The following CADM2 variants were observed in gnomAD, a reference collection of about 807,000 sequenced individuals.
CADM2 encodes cell adhesion molecule 2, also known as immunoglobulin superfamily member 4D.
Under a neutral mutation model 49.8 loss-of-function variants are expected in CADM2, and 12 were observed. The ratio of observed to expected loss-of-function variants is 0.24; its 90% CI spans 0.15 to 0.39. CADM2 has a LOEUF of 0.39. CADM2 is among the 10% of genes least tolerant of loss of function. CADM2 has a pLI of 1.00. For missense variants in CADM2, 378 were observed against 492.3 expected, an observed-to-expected ratio of 0.77 and a Z score of 2.20; for synonymous variants, 214 against 175.4, an observed-to-expected ratio of 1.22 and a Z score of -1.74.
chr3:85,010,332 A>C (rs2033929306), intron 1 of CADM2, among the ~76,000 whole-genome samples: 1 of 152,202 alleles, frequency 6.6e-6, no homozygotes, highest in South Asian at 2.1e-4. Context: ...TGAAACCTAA[A>C]AGGATATTTG....
intron 3 of CADM2, among the ~76,000 whole-genome samples, chr3:85,820,772 G>T (rs1288841564): frequency 2.0e-5 from 3 of 152,096 alleles, no homozygotes; most frequent in Non-Finnish European, 4.4e-5. Context: ...GAGTAGATAT[G>T]TATTATCAGG....
intron 2 of CADM2, among the ~76,000 whole-genome samples, chr3:85,791,262 A>G (rs1393989763): frequency 6.6e-6 from 1 of 152,206 alleles, no homozygotes; most frequent in Non-Finnish European, 1.5e-5. Context: ...TGTGCTTTTC[A>G]GTCCAGTAGG....
At chr3:85,146,522 T>A (rs1339911950) in intron 1 of CADM2, among the ~76,000 whole-genome samples, 3 of 152,222 alleles carry the variant, frequency 2.0e-5, no homozygotes, top group Non-Finnish European at 4.4e-5. Flanking sequence ...TTTTAAAAGT[T>A]ATTTCAAGAA....
chr3:85,091,611 A>G (rs1169307203), intron 1 of CADM2, among the ~76,000 whole-genome samples: 1 of 152,160 alleles, frequency 6.6e-6, no homozygotes, highest in Non-Finnish European at 1.5e-5. Flanking sequence ...TAAACTTATT[A>G]AAACTGAGCT....
At chr3:85,381,315 A>G (rs939073729) in intron 1 of CADM2, among the ~76,000 whole-genome samples, 3 of 151,606 alleles carry the variant, frequency 2.0e-5, no homozygotes, top group Non-Finnish European at 2.9e-5. Flanking sequence ...GATGAAAAAC[A>G]AACTTCATTT....
At chr3:86,062,786 G>A (rs938102007) in intron 8 of CADM2, among the ~76,000 whole-genome samples, 6 of 151,566 alleles carry the variant, frequency 4.0e-5, no homozygotes, top group African/African-American at 1.5e-4. Flanking sequence ...AACATAAAAC[G>A]AAACATAGTG....
chr3:85,915,602 A>G (rs1258674488), intron 6 of CADM2, among the ~76,000 whole-genome samples: 2 of 152,132 alleles, frequency 1.3e-5, no homozygotes, highest in Non-Finnish European at 2.9e-5. Flanking sequence ...TCCCAGAGAC[A>G]GTAGATCATG....
At position 85,987,700 on chromosome 3, in the gene CADM2, AAAT is replaced by A. The variant is rs879670033; in HGVS notation, c.970+26058_970+26060del. Among the ~76,000 whole-genome samples the A allele has an allele frequency of 2.9e-3, 420 of 146,744 alleles. 1 individual carries two copies. Among genetic ancestry groups the A allele is most frequent in the South Asian group, 4.4e-3 (21 of 4,766 alleles). On this transcript the variant is annotated intron_variant, in intron 8 of 9. Transcript: ENST00000383699. The stretch of plus-strand genomic sequence containing the variant: ...ATATTTATATAAAATAATATAATAA[AAAT>A]AATATATAAATAATTAAATATAATT...
At chr3:85,539,266 C>A (rs1411404313) in intron 1 of CADM2, among the ~76,000 whole-genome samples, 1 of 151,110 alleles carries the variant, frequency 6.6e-6, no homozygotes, top group African/African-American at 2.4e-5. Flanking sequence ...TATATGGAAA[C>A]ATTTCTCAAG....
chr3:85,364,789 A>G (rs1180522293), intron 1 of CADM2, among the ~76,000 whole-genome samples: 2 of 152,166 alleles, frequency 1.3e-5, no homozygotes. Context: ...GACAGATGCA[A>G]TAACTTCGGT....
At chr3:85,628,655 A>G (rs956692903) in intron 1 of CADM2, among the ~76,000 whole-genome samples, 1 of 147,628 alleles carries the variant, frequency 6.8e-6, no homozygotes, top group Non-Finnish European at 1.5e-5. Context: ...ACACACACAT[A>G]TGTATATGTG....
chr3:84,982,702 CAT>C (rs71104999), intron 1 of CADM2, among the ~76,000 whole-genome samples: 3,516 of 76,240 alleles, frequency 0.046, 129 homozygotes, highest in African/African-American at 0.12. Flanking sequence ...AACTATAAAG[CAT>C]ATATATATAT....
chr3:85,302,841 A>G (rs908402477), intron 1 of CADM2, among the ~76,000 whole-genome samples: 1 of 151,980 alleles, frequency 6.6e-6, no homozygotes, highest in African/African-American at 2.4e-5. Context: ...CTGAATATAG[A>G]TATTGAGAAT....
chr3:86,035,727 A>G (rs1735075576), intron 8 of CADM2, among the ~76,000 whole-genome samples: 1 of 151,982 alleles, frequency 6.6e-6, no homozygotes, highest in Non-Finnish European at 1.5e-5. Context: ...GATTTCTTCC[A>G]TTCCCAAATG....
chr3:85,074,845 T>C (rs2036882071), intron 1 of CADM2, among the ~76,000 whole-genome samples: 1 of 151,944 alleles, frequency 6.6e-6, no homozygotes, highest in African/African-American at 2.4e-5. Context: ...TTTTCTTCTC[T>C]ATATTATGAG....
intron 6 of CADM2, among the ~76,000 whole-genome samples, chr3:85,920,937 A>G (rs1324602315): frequency 2.0e-5 from 3 of 151,780 alleles, no homozygotes; most frequent in African/African-American, 7.2e-5. Flanking sequence ...ACGCATTTAT[A>G]AAACTTTTTG....
chr3:85,726,497 T>C, intron 1 of CADM2, 25 bp from the exon 2 acceptor site: 2 of 1,611,916 alleles, frequency 1.2e-6, no homozygotes, highest in Non-Finnish European at 1.7e-6. Context: ...TGTTCTCTTC[T>C]TGTGCAACCT....
At chr3:85,445,517 G>T (rs1266326817) in intron 1 of CADM2, among the ~76,000 whole-genome samples, 1 of 151,908 alleles carries the variant, frequency 6.6e-6, no homozygotes, top group Non-Finnish European at 1.5e-5. Flanking sequence ...GCTTGAATTT[G>T]ATTTGATTAA....
At position 85,963,346 on chromosome 3, in the gene CADM2, C is replaced by T. The variant is rs117066123; in HGVS notation, c.970+1699C>T. ...TAAATTGTATTTAAATGTGGTAATC[C>T]CTGTAGACAGACCCTGCTGGCCTTT... is the stretch of plus-strand genomic sequence containing the variant. On this transcript the variant is annotated intron_variant, in intron 8 of 9. Transcript: ENST00000383699. Among the ~76,000 whole-genome samples, 1,462 of 151,920 alleles carry T rather than the reference C, an allele frequency of 9.6e-3. 13 individuals carry two copies. Among genetic ancestry groups the T allele is most frequent in the East Asian group, 0.048 (246 of 5,104 alleles).
Sources: gnomAD v4.1 joint callset for allele counts (sites outside exome capture counted in the v4.1 genomes callset) on GRCh38, gnomAD v4.1.1 for gene constraint, MANE v1.5 for transcripts, NCBI Gene and HGNC (gene_info 2026-07-23, HGNC 2026-07-21) for gene names.